The following AHNAK2 variants were observed in gnomAD, a reference collection of about 807,000 sequenced individuals.
AHNAK2 encodes AHNAK nucleoprotein 2.
In AHNAK2, 18 loss-of-function variants were observed where a neutral mutation model predicts 30.7. The ratio of observed to expected loss-of-function variants is 0.59; its 90% CI spans 0.41 to 0.87. The LOEUF is 0.87. Ranked by LOEUF, AHNAK2 falls within the 40% of genes least tolerant of loss-of-function variation. The probability of loss-of-function intolerance (pLI) is 0.00; values close to 1 mark genes in which losing one functional copy is unlikely to be tolerated. For synonymous variants in AHNAK2, 3,590 were observed against 3,073.8 expected, an observed-to-expected ratio of 1.17 and a Z score of -5.56; for missense variants, 8,604 against 7,373.0, an observed-to-expected ratio of 1.17 and a Z score of -6.11.
At position 104,938,237 on chromosome 14, in the gene AHNAK2, T is replaced by A; in HGVS notation, c.17214A>T (p.Glu5738Asp). The A allele has an allele frequency of 6.2e-7, 1 of 1,613,888 alleles. No individual in the cohort carries two copies. Among genetic ancestry groups the A allele is most frequent in the African/African-American group, 1.3e-5 (1 of 75,056 alleles). The change falls in exon 7 of 7, where the codon GAA becomes GAT. Residue 5738 changes from glutamate (E) to aspartate (D), a missense_variant. Coordinates refer to ENST00000333244, the MANE Select transcript of AHNAK2 (RefSeq NM_138420.4). ...EETITFFDARESFSPEEKEEG... is the reference protein window; with the variant it reads ...EETITFFDARDSFSPEEKEEG... ...CTTCCTTCTCTTCAGGGGAGAAACT[T>A]TCTCGGGCATCAAAAAACGTGATTG...
chr14:104,946,875 G>C lies in AHNAK2; in HGVS notation c.8576C>G (p.Thr2859Ser), dbSNP rs752651546. ...GGAGGGGGGCTGAATGCGGATGTCA[G>C]TGGTCTTAAGATCCCCTTGCATGGA... ...FPSMQGDLKT[T>S]DIRIQPPSAQ... The change falls in exon 7 of 7, where the codon ACT becomes AGT. Residue 2859 changes from threonine to serine, a missense_variant. Coordinates refer to ENST00000333244, the MANE Select transcript of AHNAK2 (RefSeq NM_138420.4). 1.2e-6 allele frequency: 2 copies of C among 1,612,586 alleles called. No homozygotes were observed. Among genetic ancestry groups the C allele is most frequent in the South Asian group, 1.1e-5 (1 of 91,042 alleles).
intron 1 of AHNAK2, among the ~76,000 whole-genome samples, chr14:104,974,661 T>C (rs540505307): frequency 2.0e-5 from 3 of 152,352 alleles, no homozygotes; most frequent in South Asian, 2.1e-4. Context: ...TGCTGAGCTA[T>C]GACCTCCCAG....
intron 1 of AHNAK2, among the ~76,000 whole-genome samples, chr14:104,968,068 C>T (rs538761681): frequency 1.4e-4 from 21 of 152,346 alleles, no homozygotes; most frequent in African/African-American, 4.6e-4. Context: ...GGAGGTGACT[C>T]GCCTGAGCCA....
chr14:104,977,890 G>A (rs1356962901), intron 1 of AHNAK2, among the ~76,000 whole-genome samples: 1 of 152,200 alleles, frequency 6.6e-6, no homozygotes, highest in East Asian at 1.9e-4. Flanking sequence ...GTGACAGAGG[G>A]AGTGAGCGAC....
In AHNAK2 at chr14:104,966,180, G is replaced by A. The variant is rs916572074; in HGVS notation, c.56-8508C>T. On this transcript the variant is annotated intron_variant, in intron 1 of 6. Transcript: ENST00000333244. The surrounding 1 kb of genome is among the most constrained non-coding windows in gnomAD (Gnocchi z 4.3). ...CAGGAGGTGAGGGCAGGCAGGGCTG[G>A]GTCAGTGCCAGGAGGCATCAACACT... Among the ~76,000 whole-genome samples, 3 of 152,084 alleles carry A rather than the reference G, an allele frequency of 2.0e-5. No homozygotes were observed. Among genetic ancestry groups the A allele is most frequent in the Non-Finnish European group, 2.9e-5 (2 of 67,992 alleles).
At position 104,954,426 on chromosome 14, in the gene AHNAK2, G is replaced by A; in HGVS notation, c.1025C>T (p.Pro342Leu). ...SGQGPSSTGQ[P>L]GRGFQSGVGR... ...CACCCCACTCTGGAACCCCCTGCCTGGCTGTCCTGTCGATGAAGGGCCCTG... is the reference window on the plus strand; with the variant it reads ...CACCCCACTCTGGAACCCCCTGCCTAGCTGTCCTGTCGATGAAGGGCCCTG... The change falls in exon 7 of 7, where the codon CCA becomes CTA. Residue 342 changes from proline to leucine, a missense_variant. By Grantham distance (98) the Pro-to-Leu change is moderately conservative. Coordinates refer to ENST00000333244, the MANE Select transcript of AHNAK2 (RefSeq NM_138420.4). The surrounding 1 kb of genome is among the most constrained non-coding windows in gnomAD (Gnocchi z 4.3). 6.2e-7 allele frequency: 1 copy of A among 1,612,812 alleles called. No homozygotes were observed. Among genetic ancestry groups the A allele is most frequent in the Non-Finnish European group, 8.5e-7 (1 of 1,179,630 alleles).
In AHNAK2 at chr14:104,943,811, G is replaced by T. The variant is rs752745442; in HGVS notation, c.11640C>A (p.Ala3880=). The part of the protein sequence containing the change: ...KLLEGHVPEE[A]GLKGHLPKVQ... The stretch of plus-strand genomic sequence containing the variant: ...CCTTGGGCAGGTGTCCTTTGAGGCC[G>T]GCTTCCTCGGGCACGTGGCCCTCCA... Residue 3880 remains alanine (A), a synonymous_variant, in exon 7 of 7, where the codon GCC becomes GCA. Coordinates refer to ENST00000333244, the MANE Select transcript of AHNAK2 (RefSeq NM_138420.4). 2 of 1,613,234 alleles carry T rather than the reference G, an allele frequency of 1.2e-6. No homozygotes were observed. The highest frequency in any genetic ancestry group is 1.1e-5 in the South Asian group (1 of 91,062).
chr14:104,947,261 G>T lies in AHNAK2; in HGVS notation c.8190C>A (p.His2730Gln), dbSNP rs1255735014. 1 of 1,611,352 alleles carries T rather than the reference G, an allele frequency of 6.2e-7. No individual in the cohort carries two copies. Among genetic ancestry groups the T allele is most frequent in the Non-Finnish European group, 8.5e-7 (1 of 1,179,292 alleles). ...AACTGGGCATCTGCAGCTTGGGCAG[G>T]TGCCCTTTGAGGCCGGCTCCCTCGG... ...HVPEGAGLKG[H>Q]LPKLQMPSFK... The change falls in exon 7 of 7, where the codon CAC (histidine) becomes CAA (glutamine). Residue 2730 changes from histidine (H) to glutamine (Q), a missense_variant. Transcript: ENST00000333244.
At position 104,944,870 on chromosome 14, in the gene AHNAK2, G is replaced by A. The variant is rs149998739; in HGVS notation, c.10581C>T (p.Ser3527=). 2.8e-3 allele frequency: 4,509 copies of A among 1,608,852 alleles called. 91 individuals carry two copies. In the African/African-American group the frequency reaches 0.044, roughly 16 times the overall value. ...GGACAGCCTGGACCTCCAGGTCAGC[G>A]GAAGGGGGCTGAATGCTGAGGTCAG... ...KATDLSIQPP[S]ADLEVQAVQV... Residue 3527 remains serine (S), a synonymous_variant, in exon 7 of 7, where the codon TCC becomes TCT. Coordinates refer to ENST00000333244, the MANE Select transcript of AHNAK2 (RefSeq NM_138420.4).
intron 3 of AHNAK2, among the ~76,000 whole-genome samples, 163 bp from the exon 4 acceptor site, chr14:104,956,852 C>T (rs1397067723): frequency 1.3e-5 from 2 of 152,172 alleles, no homozygotes; most frequent in African/African-American, 4.8e-5. Flanking sequence ...GGCACATCCA[C>T]AGAGAAAAGG....
In AHNAK2 at chr14:104,947,158, C is replaced by T. The variant is rs750376311; in HGVS notation, c.8293G>A (p.Ala2765Thr). 5.0e-6 allele frequency: 8 copies of T among 1,611,860 alleles called. No homozygotes were observed. Among genetic ancestry groups the T allele is most frequent in the African/African-American group, 1.4e-5 (1 of 74,046 alleles). The change falls in exon 7 of 7, where the codon GCG (alanine) becomes ACG (threonine). Residue 2765 changes from alanine (A) to threonine (T), a missense_variant. Physicochemically the swap from Ala to Thr is moderately conservative, Grantham distance 58. Transcript: ENST00000333244. ...TTCACATCGGGGGCTGTCACTTCCG[C>T]CTTGGGGCCTTTCAGGTCCACGTTG... ...GPNVDLKGPK[A>T]EVTAPDVKMS... is the part of the protein sequence containing the mutation.
At position 104,946,670 on chromosome 14, in the gene AHNAK2, G is replaced by C; in HGVS notation, c.8781C>G (p.Gly2927=). 12 of 1,612,900 alleles carry C rather than the reference G, an allele frequency of 7.4e-6. No homozygotes were observed. Among genetic ancestry groups the C allele is most frequent in the Non-Finnish European group, 1.0e-5 (12 of 1,179,696 alleles). The change falls in exon 7 of 7, where the codon GGC becomes GGG. Residue 2927 remains glycine (G), a synonymous_variant. Transcript: ENST00000333244. The stretch of plus-strand genomic sequence containing the variant: ...CGGGGGCCGTCACCTCCGCCTTGGG[G>C]CCTTTCAGGTCCAGCTTGGGGCCCT... ...DVKGPKLDLK[G]PKAEVTAPDV...
chr14:104,937,923 G>A lies in AHNAK2; in HGVS notation c.*140C>T. On this transcript the variant is annotated 3_prime_UTR_variant, in exon 7 of 7. Transcript: ENST00000333244. ...TGTGTGATGGTGACAAAGGTGTTCT[G>A]GTCATTTCTGCTCTGTTCTCCGTTC... The A allele has an allele frequency of 1.1e-6, 1 of 876,778 alleles. No homozygotes were observed. The highest frequency in any genetic ancestry group is 1.7e-6 in the Non-Finnish European group (1 of 595,488). 54.3% of individuals were successfully genotyped at this position (876,778 alleles called of 1,614,324 possible).
At chr14:104,967,701 G>A (rs1399704517) in intron 1 of AHNAK2, among the ~76,000 whole-genome samples, 1 of 152,120 alleles carries the variant, frequency 6.6e-6, no homozygotes, top group Non-Finnish European at 1.5e-5. Flanking sequence ...ACAGAGCTGC[G>A]CAGTGGGGAC....
Position 104,947,059 on chromosome 14 carries a change from C to T in AHNAK2, c.8392G>A (p.Asp2798Asn), listed in dbSNP as rs201927397. The T allele has an allele frequency of 8.1e-6, 13 of 1,612,436 alleles. No individual in the cohort carries two copies. The highest frequency in any genetic ancestry group is 6.7e-5 in the Admixed American group (4 of 59,912). The change falls in exon 7 of 7, where the codon GAC becomes AAC. Residue 2798 changes from aspartate to asparagine, a missense_variant. Transcript: ENST00000333244. ...AKLDGARLEG[D>N]LSLADKGMTA... ...ATGCCCTTGTCGGCCAGGGACAGGT[C>T]CCCCTCCAGCCGCGCACCATCCAGC...
rs759856167 is a variant in AHNAK2, at chr14:104,950,665, T to G, written c.4786A>C (p.Ile1596Leu). The G allele has an allele frequency of 1.7e-5, 27 of 1,585,214 alleles. 5 individuals carry two copies. Among genetic ancestry groups the G allele is most frequent in the Middle Eastern group, 3.3e-4 (2 of 6,024 alleles). The change falls in exon 7 of 7, where the codon ATA becomes CTA. Residue 1596 changes from isoleucine to leucine, a missense_variant. Physicochemically the swap from Ile to Leu is conservative, Grantham distance 5 (BLOSUM62 2). Transcript: ENST00000333244. ...TCCAGCTTGGGGCCCTTAACATCTA[T>G]CTGGGGCCCCTTGAGGTCCACTTTG... ...MPKVDLKGPQ[I>L]DVKGPKLDLK...
chr14:104,967,261 G>C (rs557127669), intron 1 of AHNAK2, among the ~76,000 whole-genome samples: 2 of 151,886 alleles, frequency 1.3e-5, no homozygotes, highest in African/African-American at 4.8e-5. Flanking sequence ...GGTTGGGGGT[G>C]GGGGGCAGCT....
chr14:104,941,697 G>A lies in AHNAK2; in HGVS notation c.13754C>T (p.Pro4585Leu), dbSNP rs771325562. ...GCTGGGCAGAGACACCTCCACATCG[G>A]GGGCCATCACCTCTGCCTTTGGGCC... is the stretch of plus-strand genomic sequence containing the variant. ...LKGPKAEVMAPDVEVSLPSVE... is the reference protein window; with the variant it reads ...LKGPKAEVMALDVEVSLPSVE... The change falls in exon 7 of 7, where the codon CCC becomes CTC. Residue 4585 changes from proline (P) to leucine (L), a missense_variant. By Grantham distance (98) the Pro-to-Leu change is moderately conservative (BLOSUM62 -3). Transcript: ENST00000333244. The A allele has an allele frequency of 1.2e-6, 2 of 1,613,678 alleles. No individual in the cohort carries two copies. Among genetic ancestry groups the A allele is most frequent in the Non-Finnish European group, 1.7e-6 (2 of 1,179,856 alleles).
intron 1 of AHNAK2, among the ~76,000 whole-genome samples, chr14:104,976,734 G>A (rs1238546553): frequency 6.6e-6 from 1 of 152,238 alleles, no homozygotes; most frequent in Non-Finnish European, 1.5e-5. Context: ...GGATGAGATG[G>A]TCCTGGACCC....
Sources: allele counts gnomAD v4.1 joint callset (sites outside exome capture counted in the v4.1 genomes callset), GRCh38; gene constraint gnomAD v4.1.1; non-coding constraint Gnocchi (gnomAD v3.1); transcripts MANE v1.5; gene names NCBI Gene and HGNC (gene_info 2026-07-23, HGNC 2026-07-21).